The following SEC23A variants were observed in gnomAD, a reference collection of about 807,000 sequenced individuals.
SEC23A encodes the protein SEC23 homolog A, COPII component.
Under a neutral mutation model 103.7 loss-of-function variants are expected in SEC23A, and 56 were observed. The observed-to-expected ratio is 0.54, with a 90% CI of 0.44 to 0.67. The LOEUF (loss-of-function observed/expected upper bound fraction) is 0.67, where lower values mean the gene tolerates loss of function less well. Ranked by LOEUF, SEC23A falls within the 30% of genes least tolerant of loss-of-function variation. The pLI is 0.00. For synonymous variants in SEC23A, 281 were observed against 293.0 expected (o/e 0.96, Z 0.42); for missense variants, 784 against 936.4 (o/e 0.84, Z 2.12).
chr14:39,070,181 G>A (rs1002879842), intron 9 of SEC23A, among the ~76,000 whole-genome samples: 8 of 152,198 alleles, frequency 5.3e-5, no homozygotes, highest in African/African-American at 1.4e-4. Context: ...AGATTTTTAC[G>A]TTTAGTTCAC....
intron 13 of SEC23A, among the ~76,000 whole-genome samples, chr14:39,060,572 C>A (rs965657410): frequency 2.0e-5 from 3 of 152,164 alleles, no homozygotes; most frequent in Non-Finnish European, 4.4e-5. Context: ...AAGACCAAAG[C>A]CTGTTCATTT....
chr14:39,043,167 A>G (rs558511894), intron 16 of SEC23A, among the ~76,000 whole-genome samples: 2 of 152,118 alleles, frequency 1.3e-5, no homozygotes, highest in South Asian at 4.1e-4. Flanking sequence ...TTGTTTGTAG[A>G]GATGGGGTCT....
At chr14:39,072,570 T>C (rs1886873395) in intron 9 of SEC23A, among the ~76,000 whole-genome samples, 1 of 151,920 alleles carries the variant, frequency 6.6e-6, no homozygotes, top group Non-Finnish European at 1.5e-5. Context: ...CCCAGCACTT[T>C]GAGAGGCAGA....
At chr14:39,051,300 A>G (rs1886050133) in intron 14 of SEC23A, among the ~76,000 whole-genome samples, 1 of 152,206 alleles carries the variant, frequency 6.6e-6, no homozygotes, top group Non-Finnish European at 1.5e-5. Context: ...TACCTTTAAC[A>G]TGACAGGAAG....
chr14:39,062,947 G>A (rs182316552), intron 12 of SEC23A, among the ~76,000 whole-genome samples: 8 of 152,202 alleles, frequency 5.3e-5, no homozygotes. Context: ...AGACTCATAT[G>A]TCATATATAC....
chr14:39,043,776 T>G (rs2139190961), intron 16 of SEC23A, among the ~76,000 whole-genome samples: 1 of 152,302 alleles, frequency 6.6e-6, no homozygotes, highest in African/African-American at 2.4e-5. Flanking sequence ...CAAAAGGTTT[T>G]CAAGGGCTGA....
intron 9 of SEC23A, among the ~76,000 whole-genome samples, chr14:39,072,647 A>C (rs1351853310): frequency 7.8e-6 from 1 of 128,032 alleles, no homozygotes. Flanking sequence ...CGTCTCCACA[A>C]AAAAAAAGTA....
Position 39,032,696 on chromosome 14 carries a change from AT to A in SEC23A, c.*542del, listed in dbSNP as rs1321396669. On this transcript the variant is annotated 3_prime_UTR_variant, in exon 20 of 20. Coordinates refer to ENST00000307712, the MANE Select transcript of SEC23A (RefSeq NM_006364.4). ...CATTATCATCATGAAAATTACCATTATAAAATCAAATAATTCCTAAACAAAT... is the reference window on the plus strand; with the variant it reads ...CATTATCATCATGAAAATTACCATTAAAAATCAAATAATTCCTAAACAAAT... 6.6e-6 allele frequency: 1 copy of A among 152,666 alleles called. No homozygotes were observed. Among genetic ancestry groups the A allele is most frequent in the East Asian group, 1.9e-4 (1 of 5,208 alleles). 9.5% of individuals were successfully genotyped at this position (152,666 alleles called of 1,614,324 possible).
intron 14 of SEC23A, among the ~76,000 whole-genome samples, chr14:39,051,005 T>C (rs899145558): frequency 2.6e-5 from 4 of 152,304 alleles, no homozygotes; most frequent in African/African-American, 9.6e-5. Context: ...TACTGACAAC[T>C]TCACTGCTGA....
At chr14:39,034,689 C>A (rs1483297051) in intron 19 of SEC23A, among the ~76,000 whole-genome samples, 1 of 152,172 alleles carries the variant, frequency 6.6e-6, no homozygotes, top group Non-Finnish European at 1.5e-5. Context: ...AGAGCTCCTG[C>A]TTGAAATGAT....
chr14:39,084,569 C>G (rs2139272786), intron 7 of SEC23A, among the ~76,000 whole-genome samples: 1 of 152,234 alleles, frequency 6.6e-6, no homozygotes, highest in South Asian at 2.1e-4. Flanking sequence ...CTTATACATA[C>G]CATTTCCTAT....
intron 16 of SEC23A, among the ~76,000 whole-genome samples, chr14:39,044,955 A>G (rs2139192876): frequency 6.6e-6 from 1 of 152,348 alleles, no homozygotes; most frequent in South Asian, 2.1e-4. Flanking sequence ...AAAAAATTTA[A>G]CAATCTTCTA....
chr14:39,101,428 G>A (rs1410961098), intron 1 of SEC23A, among the ~76,000 whole-genome samples: 1 of 151,752 alleles, frequency 6.6e-6, no homozygotes, highest in Non-Finnish European at 1.5e-5. Context: ...GACCAGCCTG[G>A]CCAATATGGT....
At chr14:39,089,591 C>A (rs372008995) in intron 5 of SEC23A, among the ~76,000 whole-genome samples, 2 of 152,288 alleles carry the variant, frequency 1.3e-5, no homozygotes. Context: ...TAAAGTACAT[C>A]TCTTTAACTC....
intron 1 of SEC23A, among the ~76,000 whole-genome samples, chr14:39,098,978 C>G (rs12891244): frequency 0.61 from 92,154 of 151,402 alleles, 28,838 homozygotes; most frequent in African/African-American, 0.74. Flanking sequence ...AAAATGTTTT[C>G]AATGACTGTT....
chr14:39,095,320 G>C (rs986925555), intron 2 of SEC23A, among the ~76,000 whole-genome samples: 32 of 150,892 alleles, frequency 2.1e-4, no homozygotes, highest in Non-Finnish European at 4.1e-4. Flanking sequence ...TTTTGAGGCG[G>C]AGTCTCGCTC....
Position 39,040,900 on chromosome 14 carries a change from CA to C in SEC23A, c.1987-14del, listed in dbSNP as rs1417351058. On this transcript the variant is annotated splice_polypyrimidine_tract_variant and intron_variant, in intron 17 of 19. Transcript: ENST00000307712. ...ACTGTGCTATGGTCTAATTTTAAAA[CA>C]ATTAAAGAAATTACTTTAAATTTCT... The C allele has an allele frequency of 1.9e-6, 3 of 1,603,336 alleles. No homozygotes were observed. Among genetic ancestry groups the C allele is most frequent in the Non-Finnish European group, 2.6e-6 (3 of 1,174,996 alleles).
At position 39,039,092 on chromosome 14, in the gene SEC23A, C is replaced by T. The variant is rs1351692320; in HGVS notation, c.2147G>A (p.Arg716His). ...IDTEHGGSQA[R>H]FLLSKVNPSQ... ...AGGGTTGACTTTTGAAAGGAGGAAA[C>T]GGGCCTTAAAAGCAAAGAAGAAATA... The change falls in exon 19 of 20, where the codon CGT (arginine) becomes CAT (histidine). Residue 716 changes from arginine to histidine, a missense_variant. Around this residue, in one of 2 missense-constraint regions of SEC23A, gnomAD observed 101 missense variants for 162.2 expected, o/e 0.62. Coordinates refer to ENST00000307712, the MANE Select transcript of SEC23A (RefSeq NM_006364.4). 1.2e-6 allele frequency: 2 copies of T among 1,613,112 alleles called. No homozygotes were observed. Among genetic ancestry groups the T allele is most frequent in the Non-Finnish European group, 8.5e-7 (1 of 1,179,368 alleles).
intron 7 of SEC23A, among the ~76,000 whole-genome samples, chr14:39,081,894 G>A (rs538794523): frequency 7.9e-5 from 12 of 151,908 alleles, no homozygotes; most frequent in Middle Eastern, 3.2e-3. Context: ...AGCTCCATCC[G>A]CTGGGACCTA....
Sources: allele counts gnomAD v4.1 joint callset (sites outside exome capture counted in the v4.1 genomes callset), GRCh38; gene constraint gnomAD v4.1.1; regional missense constraint gnomAD v4.1.1; transcripts MANE v1.5; gene names NCBI Gene and HGNC (gene_info 2026-07-23, HGNC 2026-07-21).